DAPK2: variants seen among roughly 807,000 people sequenced by gnomAD.
DAPK2 encodes death associated protein kinase 2.
Under a neutral mutation model 44.1 loss-of-function variants are expected in DAPK2, and 35 were observed. The ratio of observed to expected loss-of-function variants is 0.79; its 90% CI spans 0.61 to 1.05. The LOEUF (loss-of-function observed/expected upper bound fraction) is 1.05, where lower values mean the gene tolerates loss of function less well. DAPK2 is among the 50% of genes least tolerant of loss of function. The pLI is 0.00. For missense variants in DAPK2, 453 were observed against 483.2 expected (o/e 0.94, Z 0.59); for synonymous variants, 174 against 182.6 (o/e 0.95, Z 0.38).
intron 3 of DAPK2, among the ~76,000 whole-genome samples, chr15:63,942,718 T>A (rs2077343090): frequency 6.6e-6 from 1 of 151,938 alleles, no homozygotes; most frequent in South Asian, 2.1e-4. Context: ...CTCCCTGCAC[T>A]ACCCCAACCC....
intron 3 of DAPK2, among the ~76,000 whole-genome samples, chr15:63,951,304 G>A (rs1350762947): frequency 6.6e-6 from 1 of 152,116 alleles, no homozygotes; most frequent in Non-Finnish European, 1.5e-5. Flanking sequence ...CTCTGTGTTG[G>A]AATCATGCAA....
rs1052076695 is a variant in DAPK2, at chr15:64,014,662, G to A, written c.92+25508C>T. On this transcript the variant is annotated intron_variant, in intron 1 of 10. Coordinates refer to ENST00000261891, the Ensembl canonical transcript of DAPK2. ...TGGCTGGGCTTGGTGGCTCACGCCT[G>A]TAATCCTAACACTTTGAGAGGCCAA... Among the ~76,000 whole-genome samples, 4 of 152,360 alleles carry A rather than the reference G, an allele frequency of 2.6e-5. No individual in the cohort carries two copies. In the East Asian group the frequency reaches 7.7e-4, roughly 29 times the overall value.
intron 1 of DAPK2, among the ~76,000 whole-genome samples, chr15:64,002,712 T>C (rs1485625618): frequency 6.6e-6 from 1 of 152,182 alleles, no homozygotes; most frequent in East Asian, 1.9e-4. Flanking sequence ...CTCCCATCAA[T>C]CTCACACACA....
At chr15:63,971,546 C>G (rs776872086) in exon 3 of DAPK2, 1 of 1,614,202 alleles carries the variant, frequency 6.2e-7, no homozygotes, top group African/African-American at 1.3e-5. Flanking sequence ...AATCGAAGAG[C>G]TCTCCTCCAG....
intron 3 of DAPK2, among the ~76,000 whole-genome samples, chr15:63,965,295 C>G (rs992971808): frequency 6.6e-6 from 1 of 152,230 alleles, no homozygotes; most frequent in Non-Finnish European, 1.5e-5. Flanking sequence ...TCTTCCCTTA[C>G]TTTCTTCCAA....
chr15:63,927,978 G>T (rs2079358190), intron 6 of DAPK2, among the ~76,000 whole-genome samples: 1 of 152,000 alleles, frequency 6.6e-6, no homozygotes, highest in South Asian at 2.1e-4. Flanking sequence ...TGAACTCCTG[G>T]ACTTAAGCAT....
At chr15:64,021,040 T>C (rs2141079575) in intron 1 of DAPK2, among the ~76,000 whole-genome samples, 1 of 152,312 alleles carries the variant, frequency 6.6e-6, no homozygotes, top group East Asian at 1.9e-4. Flanking sequence ...TTTCTACCCC[T>C]CTTATCATTA....
intron 2 of DAPK2, among the ~76,000 whole-genome samples, chr15:63,983,091 G>A (rs1250130789): frequency 6.6e-6 from 1 of 152,196 alleles, no homozygotes; most frequent in Non-Finnish European, 1.5e-5. Flanking sequence ...AAGGGCTGGA[G>A]AAGGGCTTCG....
chr15:63,955,518 C>T (rs1226284841), intron 3 of DAPK2, among the ~76,000 whole-genome samples: 3 of 152,034 alleles, frequency 2.0e-5, no homozygotes, highest in Admixed American at 2.0e-4. Context: ...AAGTATTCCC[C>T]CCTCCATTTT....
chr15:63,928,308 C>T (rs1469483206), intron 6 of DAPK2: 3 of 152,272 alleles, frequency 2.0e-5, no homozygotes, highest in Admixed American at 6.5e-5. Context: ...GGATCCACCA[C>T]GTCACACAGG....
intron 3 of DAPK2, among the ~76,000 whole-genome samples, chr15:63,945,221 G>A (rs761954011): frequency 6.6e-6 from 1 of 152,100 alleles, no homozygotes; most frequent in African/African-American, 2.4e-5. Context: ...TAACCCCTCC[G>A]TGTTGATGAC....
intron 2 of DAPK2, among the ~76,000 whole-genome samples, chr15:63,971,901 A>G (rs1178080350): frequency 6.6e-6 from 1 of 152,234 alleles, no homozygotes; most frequent in Non-Finnish European, 1.5e-5. Context: ...CAAGCAGATT[A>G]TTTAGCCTGA....
At chr15:63,930,255 G>T in intron 5 of DAPK2, 152 bp downstream of exon 6, 1 of 802,172 alleles carries the variant, frequency 1.2e-6, no homozygotes, top group Non-Finnish European at 2.1e-6. Context: ...CTGGCCACAG[G>T]TCTAACACAT....
At chr15:64,042,673 A>G (rs1011356521), upstream of DAPK2, among the ~76,000 whole-genome samples, 1 of 152,242 alleles carries the variant, frequency 6.6e-6, no homozygotes, top group African/African-American at 2.4e-5. This position sits in a 1 kb window ranked among gnomAD's most constrained non-coding sequence, Gnocchi z 4.7. Flanking sequence ...GCTTTCGCTC[A>G]TCTTTCCAGC....
intron 3 of DAPK2, among the ~76,000 whole-genome samples, chr15:63,949,772 C>G (rs2077539912): frequency 6.6e-6 from 1 of 152,140 alleles, no homozygotes; most frequent in Non-Finnish European, 1.5e-5. Flanking sequence ...CCACTTCTAC[C>G]CATCCTAGCT....
At chr15:64,021,844 G>A (rs2079692228) in intron 1 of DAPK2, among the ~76,000 whole-genome samples, 1 of 152,202 alleles carries the variant, frequency 6.6e-6, no homozygotes, top group Admixed American at 6.5e-5. Flanking sequence ...AGACAGGAAG[G>A]AGGAAAAGAA....
intron 3 of DAPK2, 149 bp downstream of exon 4, chr15:63,971,274 G>T (rs948761657): frequency 8.2e-6 from 8 of 975,134 alleles, no homozygotes; most frequent in Non-Finnish European, 1.2e-5. Context: ...CATTTCCGTG[G>T]CATCATCTTT....
Position 63,912,069 on chromosome 15 carries a change from C to T in DAPK2, c.948+39G>A, listed in dbSNP as rs971614261. ...TGGAGAGCCAGAAACCCCGCCCTAG[C>T]CCCCACCCTGTCCCCCGCCGCCCCA... On this transcript the variant is annotated intron_variant, in intron 9 of 10. Transcript: ENST00000261891. This position sits in a 1 kb window ranked among gnomAD's most constrained non-coding sequence, Gnocchi z 4.4. 2.0e-6 allele frequency: 3 copies of T among 1,497,530 alleles called. No homozygotes were observed. Among genetic ancestry groups the T allele is most frequent in the East Asian group, 2.3e-5 (1 of 42,910 alleles). 92.8% of individuals were successfully genotyped at this position (1,497,530 alleles called of 1,614,324 possible). A position where few individuals can be genotyped will look rare whatever the true frequency, so the allele number is the denominator to read the frequency against.
In DAPK2 at chr15:63,990,996, C is replaced by T. The variant is rs1454833725; in HGVS notation, c.93-7242G>A. 2.6e-5 allele frequency among the ~76,000 whole-genome samples: 4 copies of T among 152,076 alleles called. No individual in the cohort carries two copies. Among genetic ancestry groups the T allele is most frequent in the Admixed American group, 2.0e-4 (3 of 15,268 alleles). ...TGGAGCCTCTGTGGCTGACCCTGTC[C>T]TTATTTCCCACCCTTTCCCAACACA... On this transcript the variant is annotated intron_variant, in intron 1 of 10. Transcript: ENST00000261891. The surrounding 1 kb of genome is among the most constrained non-coding windows in gnomAD (Gnocchi z 4.3).
Sources: allele counts gnomAD v4.1 joint callset (sites outside exome capture counted in the v4.1 genomes callset), GRCh38; gene constraint gnomAD v4.1.1; non-coding constraint Gnocchi (gnomAD v3.1); transcripts MANE v1.5; gene names NCBI Gene and HGNC (gene_info 2026-07-23, HGNC 2026-07-21).